Variants in TPD52L1 observed in about 807,000 individuals in gnomAD.
The protein encoded by TPD52L1 is TPD52 like 1.
A neutral mutation model predicts 28.7 loss-of-function variants in TPD52L1; 18 were observed. The observed-to-expected ratio is 0.63, with a 90% CI of 0.43 to 0.93. TPD52L1 has a LOEUF of 0.93. TPD52L1 is among the 40% of genes least tolerant of loss of function. The probability of loss-of-function intolerance (pLI) is 0.00; values close to 1 mark genes in which losing one functional copy is unlikely to be tolerated. For missense variants in TPD52L1, 203 were observed against 254.8 expected, an observed-to-expected ratio of 0.80 and a Z score of 1.39; for synonymous variants, 75 against 88.8, an observed-to-expected ratio of 0.84 and a Z score of 0.88.
intron 3 of TPD52L1, among the ~76,000 whole-genome samples, chr6:125,234,736 G>T (rs759408139): frequency 1.3e-5 from 2 of 151,896 alleles, no homozygotes; most frequent in Admixed American, 6.6e-5. Flanking sequence ...TATATGATAG[G>T]GTTGAAAAAC....
chr6:125,172,180 TC>T (rs1791439506), intron 1 of TPD52L1, among the ~76,000 whole-genome samples: 5 of 137,372 alleles, frequency 3.6e-5, no homozygotes, highest in South Asian at 2.3e-4. Context: ...TTTCTTTCTT[TC>T]TTTCTTTCTT....
rs1412204621 is a variant in TPD52L1, at chr6:125,161,332, T to G, written c.19+7362T>G. The stretch of plus-strand genomic sequence containing the variant: ...TTTGATCTATCCAGACCACTCAAAC[T>G]TTCTCCCTATCAGCAATTAGTCTAT... On this transcript the variant is annotated intron_variant, in intron 1 of 6. Coordinates refer to ENST00000534000, the MANE Select transcript of TPD52L1 (RefSeq NM_003287.4). Among the ~76,000 whole-genome samples the G allele has an allele frequency of 2.0e-5, 3 of 152,232 alleles. No individual in the cohort carries two copies. In the East Asian group the frequency reaches 5.8e-4, roughly 29 times the overall value.
intron 6 of TPD52L1, chr6:125,260,999 AAAGAAAGAAAGAAAGAAAGAAAAGAAAAG>A (rs1562411378): frequency 1.8e-4 from 8 of 45,672 alleles, no homozygotes; most frequent in African/African-American, 1.5e-3. Context: ...AGAAAGAAAG[AAAGAAAGAAAGAAAGAAAGAAAAGAAAAG>A]AAAGAAAGAA....
At chr6:125,207,084 A>G (rs1794199343) in intron 1 of TPD52L1, among the ~76,000 whole-genome samples, 1 of 152,198 alleles carries the variant, frequency 6.6e-6, no homozygotes, top group South Asian at 2.1e-4. Flanking sequence ...GATTAATTCA[A>G]CAAACATTGG....
At chr6:125,172,161 CTTTCTTTCTTT>C (rs1791428858) in intron 1 of TPD52L1, among the ~76,000 whole-genome samples, 8 of 50,582 alleles carry the variant, frequency 1.6e-4, no homozygotes, top group Admixed American at 1.1e-3. Context: ...TCTTTCTTTT[CTTTCTTTCTTT>C]CTTTCTTTCT....
intron 1 of TPD52L1, among the ~76,000 whole-genome samples, chr6:125,196,426 T>C (rs1048305566): frequency 6.6e-6 from 1 of 152,242 alleles, no homozygotes; most frequent in African/African-American, 2.4e-5. Flanking sequence ...AAACAACTTT[T>C]GGCATGTGCC....
In TPD52L1 at chr6:125,154,011, C is replaced by A. The variant is rs772452403; in HGVS notation, c.19+41C>A. ...TCGCCCCGAGAGTCAGGTCCTGGGGCGCGCATAAAGGCTCTTTTCCTGCAC... is the reference window on the plus strand; with the variant it reads ...TCGCCCCGAGAGTCAGGTCCTGGGGAGCGCATAAAGGCTCTTTTCCTGCAC... On this transcript the variant is annotated intron_variant, in intron 1 of 6. Coordinates refer to ENST00000534000, the MANE Select transcript of TPD52L1 (RefSeq NM_003287.4). 5 of 1,587,200 alleles carry A rather than the reference C, an allele frequency of 3.2e-6. No individual in the cohort carries two copies. In the Admixed American group the frequency reaches 7.0e-5, roughly 22 times the overall value.
intron 3 of TPD52L1, among the ~76,000 whole-genome samples, chr6:125,239,589 G>A (rs1406577251): frequency 2.0e-5 from 3 of 152,146 alleles, no homozygotes; most frequent in Non-Finnish European, 4.4e-5. Context: ...CCCACAACAC[G>A]TAGAACTTAT....
chr6:125,192,103 T>C (rs1248150677), intron 1 of TPD52L1, among the ~76,000 whole-genome samples: 1 of 152,052 alleles, frequency 6.6e-6, no homozygotes, highest in Non-Finnish European at 1.5e-5. Context: ...AGGAGAATAG[T>C]GGGAGGGGCT....
chr6:125,217,770 C>T (rs1794979852), intron 1 of TPD52L1, among the ~76,000 whole-genome samples: 1 of 152,104 alleles, frequency 6.6e-6, no homozygotes. Context: ...TATTGCTTTG[C>T]TTTTCTTTAT....
chr6:125,194,043 T>C (rs1471543430), intron 1 of TPD52L1, among the ~76,000 whole-genome samples: 36 of 110,612 alleles, frequency 3.3e-4, no homozygotes, highest in Admixed American at 4.6e-4. Context: ...TTTTTTTTTT[T>C]CTAAAAAAAC....
At chr6:125,211,728 G>A (rs1794529637) in intron 1 of TPD52L1, among the ~76,000 whole-genome samples, 1 of 152,146 alleles carries the variant, frequency 6.6e-6, no homozygotes, top group East Asian at 1.9e-4. Flanking sequence ...ATCTCCCGTG[G>A]TATTGATCTT....
In TPD52L1 at chr6:125,160,075, C is replaced by T. The variant is rs1011659537; in HGVS notation, c.19+6105C>T. Among the ~76,000 whole-genome samples, 5 of 152,128 alleles carry T rather than the reference C, an allele frequency of 3.3e-5. No homozygotes were observed. In the East Asian group the frequency reaches 5.8e-4, roughly 18 times the overall value. On this transcript the variant is annotated intron_variant, in intron 1 of 6. Coordinates refer to ENST00000534000, the MANE Select transcript of TPD52L1 (RefSeq NM_003287.4). ...TGTGCCTTCCATCATGATTGTGAGG[C>T]CTCCCCAGCCATGCGGAACTGTGAG...
chr6:125,166,375 G>T (rs1328108783), intron 1 of TPD52L1, among the ~76,000 whole-genome samples: 1 of 152,130 alleles, frequency 6.6e-6, no homozygotes, highest in Non-Finnish European at 1.5e-5. Context: ...TTTTCTTCCT[G>T]AAGGGTTAGG....
chr6:125,250,902 A>C (rs1797225779), intron 4 of TPD52L1, among the ~76,000 whole-genome samples: 1 of 152,248 alleles, frequency 6.6e-6, no homozygotes, highest in South Asian at 2.1e-4. Flanking sequence ...AGATAATCAA[A>C]TACAATCCTG....
chr6:125,173,557 C>T (rs1039776324), intron 1 of TPD52L1, among the ~76,000 whole-genome samples: 1 of 152,196 alleles, frequency 6.6e-6, no homozygotes, highest in African/African-American at 2.4e-5. Context: ...CTCTTTCTTA[C>T]CCAAGAGGGT....
chr6:125,247,791 A>C (rs1358440075), intron 3 of TPD52L1, among the ~76,000 whole-genome samples: 1 of 152,234 alleles, frequency 6.6e-6, no homozygotes, highest in Non-Finnish European at 1.5e-5. Flanking sequence ...ATTCCCAGCT[A>C]TAAATACTAG....
intron 2 of TPD52L1, among the ~76,000 whole-genome samples, chr6:125,224,845 T>C (rs1263161300): frequency 6.6e-6 from 1 of 152,248 alleles, no homozygotes; most frequent in Non-Finnish European, 1.5e-5. Context: ...TTCAGACTAG[T>C]TAGTTCACTT....
chr6:125,185,647 GA>G (rs1168584845), intron 1 of TPD52L1, among the ~76,000 whole-genome samples: 3 of 151,008 alleles, frequency 2.0e-5, no homozygotes, highest in Non-Finnish European at 3.0e-5. Context: ...TAAGAAACTA[GA>G]AAAAAAATAC....
Sources: gnomAD v4.1 joint callset for allele counts (sites outside exome capture counted in the v4.1 genomes callset) on GRCh38, gnomAD v4.1.1 for gene constraint, MANE v1.5 for transcripts, NCBI Gene and HGNC (gene_info 2026-07-23, HGNC 2026-07-21) for gene names.